The following HLF variants were observed in gnomAD, a reference collection of about 807,000 sequenced individuals.
The protein encoded by HLF is HLF transcription factor, PAR bZIP family member.
A neutral mutation model predicts 22.6 loss-of-function variants in HLF; 3 were observed. That is an observed-to-expected ratio of 0.13 (90% confidence interval 0.06 to 0.34). The LOEUF (loss-of-function observed/expected upper bound fraction) is 0.34. Among genes scored for constraint, HLF ranks in the 10% least tolerant of loss-of-function variants. HLF has a pLI of 1.00. For synonymous variants in HLF, 151 were observed against 151.8 expected (o/e 0.99, Z 0.04); for missense variants, 299 against 389.2 (o/e 0.77, Z 1.95).
chr17:55,301,516 G>A (rs554752607), intron 2 of HLF, among the ~76,000 whole-genome samples: 4 of 152,326 alleles, frequency 2.6e-5, no homozygotes, highest in South Asian at 4.1e-4. Context: ...AGGAATTGTC[G>A]CCAACATTGG....
At chr17:55,277,241 A>G (rs7218533) in intron 2 of HLF, among the ~76,000 whole-genome samples, 11,537 of 101,476 alleles carry the variant, frequency 0.11, 594 homozygotes, top group Middle Eastern at 0.16. Flanking sequence ...TGTTATGTGT[A>G]TGTGTGTGTG....
intron 2 of HLF, among the ~76,000 whole-genome samples, chr17:55,311,073 A>G (rs28671017): frequency 0.033 from 4,620 of 139,072 alleles, 236 homozygotes; most frequent in African/African-American, 0.11. Flanking sequence ...AAAAATGCCA[A>G]ATATTATTAT....
At chr17:55,315,823 C>T (rs1446688708) in intron 3 of HLF, among the ~76,000 whole-genome samples, 1 of 152,180 alleles carries the variant, frequency 6.6e-6, no homozygotes, top group East Asian at 1.9e-4. Flanking sequence ...AACCTCATTG[C>T]CCTCGAAGGG....
At chr17:55,293,018 A>G (rs1363452762) in intron 2 of HLF, among the ~76,000 whole-genome samples, 1 of 152,186 alleles carries the variant, frequency 6.6e-6, no homozygotes, top group Non-Finnish European at 1.5e-5. Flanking sequence ...TGTGGGATTT[A>G]GAGAGGTTAG....
At chr17:55,298,445 C>T (rs1207623525) in intron 2 of HLF, among the ~76,000 whole-genome samples, 1 of 152,162 alleles carries the variant, frequency 6.6e-6, no homozygotes, top group African/African-American at 2.4e-5. Flanking sequence ...ACAAACCTTA[C>T]CTTATGCCTG....
intron 2 of HLF, among the ~76,000 whole-genome samples, chr17:55,314,365 C>A (rs1318754010): frequency 1.3e-5 from 2 of 152,122 alleles, no homozygotes; most frequent in Non-Finnish European, 2.9e-5. Flanking sequence ...CCATTGCTAC[C>A]GTTAATGTGT....
intron 2 of HLF, among the ~76,000 whole-genome samples, chr17:55,298,802 G>C (rs2081131817): frequency 6.6e-6 from 1 of 152,132 alleles, no homozygotes; most frequent in Non-Finnish European, 1.5e-5. Context: ...CTCCTATGTA[G>C]GACTTGAATT....
chr17:55,315,993 A>G (rs1242447772), intron 3 of HLF, among the ~76,000 whole-genome samples: 1 of 152,202 alleles, frequency 6.6e-6, no homozygotes, highest in Non-Finnish European at 1.5e-5. Context: ...GACACCATTT[A>G]TATGTATCTT....
chr17:55,283,510 A>AGGCC, intron 2 of HLF: 3 of 152,426 alleles, frequency 2.0e-5, no homozygotes, highest in Admixed American at 2.0e-4. Context: ...TCAAGGACTC[A>AGGCC]GGCCGGTGTT....
At chr17:55,286,203 C>T (rs1198297589) in intron 2 of HLF, among the ~76,000 whole-genome samples, 1 of 152,254 alleles carries the variant, frequency 6.6e-6, no homozygotes, top group African/African-American at 2.4e-5. Flanking sequence ...CTTCAGCAAG[C>T]CGCCTGGAAT....
At chr17:55,305,107 ACTT>A (rs942354559) in intron 2 of HLF, among the ~76,000 whole-genome samples, 8 of 152,154 alleles carry the variant, frequency 5.3e-5, no homozygotes, top group African/African-American at 1.4e-4. Flanking sequence ...TTTGAAGCCA[ACTT>A]CTTCTTCATG....
At chr17:55,278,214 A>G (rs1039796350) in intron 2 of HLF, among the ~76,000 whole-genome samples, 3 of 152,236 alleles carry the variant, frequency 2.0e-5, no homozygotes, top group Admixed American at 6.5e-5. Flanking sequence ...AAAAACAATG[A>G]GTGCATGCTA....
At chr17:55,291,685 A>G (rs1039627347) in intron 2 of HLF, among the ~76,000 whole-genome samples, 1 of 152,202 alleles carries the variant, frequency 6.6e-6, no homozygotes, top group South Asian at 2.1e-4. Context: ...GTCAAATCTC[A>G]TTACTTAAGA....
chr17:55,298,449 A>G (rs550379972), intron 2 of HLF, among the ~76,000 whole-genome samples: 30 of 152,294 alleles, frequency 2.0e-4, no homozygotes, highest in Admixed American at 7.8e-4. Context: ...ACCTTACCTT[A>G]TGCCTGTGAA....
intron 2 of HLF, among the ~76,000 whole-genome samples, chr17:55,299,732 G>A (rs1304592246): frequency 6.7e-6 from 1 of 149,614 alleles, no homozygotes; most frequent in Non-Finnish European, 1.5e-5. Flanking sequence ...GTGCCACCAT[G>A]CCTCGCTAAT....
intron 2 of HLF, among the ~76,000 whole-genome samples, chr17:55,301,851 T>G (rs1390919332): frequency 6.6e-6 from 1 of 152,234 alleles, no homozygotes; most frequent in African/African-American, 2.4e-5. Context: ...TCCAAGTTCC[T>G]CATGACTGCA....
chr17:55,320,123 A>G lies in HLF; in HGVS notation c.673-541A>G, dbSNP rs1370854630. 6.6e-6 allele frequency among the ~76,000 whole-genome samples: 1 copy of G among 152,240 alleles called. No homozygotes were observed. The highest frequency in any genetic ancestry group is 6.5e-5 in the Admixed American group (1 of 15,290). On this transcript the variant is annotated intron_variant, in intron 3 of 3. Coordinates refer to ENST00000226067, the MANE Select transcript of HLF (RefSeq NM_002126.5). The surrounding 1 kb of genome is among the most constrained non-coding windows in gnomAD (Gnocchi z 4.2). Reference sequence around the variant, plus strand: ...TTTTTTCTACTGCACATAATGCTGCAGTGAACAGTTTATGCTTGTGTGTAC... The same window carrying G: ...TTTTTTCTACTGCACATAATGCTGCGGTGAACAGTTTATGCTTGTGTGTAC...
intron 2 of HLF, among the ~76,000 whole-genome samples, chr17:55,280,403 C>G (rs2080942833): frequency 6.6e-6 from 1 of 152,220 alleles, no homozygotes; most frequent in Admixed American, 6.5e-5. Context: ...TCTTGGATAG[C>G]TCTTTGAATA....
intron 2 of HLF, among the ~76,000 whole-genome samples, chr17:55,313,955 A>G (rs1206534301): frequency 1.3e-5 from 2 of 152,206 alleles, no homozygotes; most frequent in Non-Finnish European, 2.9e-5. Flanking sequence ...AATCCGAGCC[A>G]GTGGCTTCAT....
Sources: allele counts gnomAD v4.1 joint callset (sites outside exome capture counted in the v4.1 genomes callset), GRCh38; gene constraint gnomAD v4.1.1; non-coding constraint Gnocchi (gnomAD v3.1); transcripts MANE v1.5; gene names NCBI Gene and HGNC (gene_info 2026-07-23, HGNC 2026-07-21).